Variants in C16orf46 observed in about 807,000 individuals in gnomAD.
C16orf46 encodes uncharacterized protein C16orf46.
C16orf46 carries 7 observed loss-of-function variants against 5.5 expected under a neutral mutation model. The observed-to-expected ratio is 1.28, with a 90% CI of 0.73 to 2.40. The LOEUF (loss-of-function observed/expected upper bound fraction) is 2.40, where lower values mean the gene tolerates loss of function less well. Ranked by LOEUF, C16orf46 falls within the 30% of genes most tolerant of loss-of-function variation. The probability of loss-of-function intolerance (pLI) is 0.00; values close to 1 mark genes in which losing one functional copy is unlikely to be tolerated. For synonymous variants in C16orf46, 200 were observed against 184.1 expected (o/e 1.09, Z -0.70); for missense variants, 614 against 476.0 (o/e 1.29, Z -2.70).
In C16orf46 at chr16:81,071,134, C is replaced by T. The variant is rs897079486; in HGVS notation, c.-127-4853G>A. Among the ~76,000 whole-genome samples the T allele has an allele frequency of 3.9e-5, 6 of 152,246 alleles. No individual in the cohort carries two copies. In the East Asian group the frequency reaches 5.8e-4, roughly 15 times the overall value. On this transcript the variant is annotated intron_variant, in intron 1 of 3. Coordinates refer to ENST00000299578, the MANE Select transcript of C16orf46 (RefSeq NM_152337.3). ...TGGTGAGTTATATTTGTTCTGACCT[C>T]GTGAGACTCTGTACAGCCCCACTAA...
chr16:81,058,416 G>C (rs915627575), downstream of C16orf46, among the ~76,000 whole-genome samples: 3 of 152,180 alleles, frequency 2.0e-5, no homozygotes, highest in Non-Finnish European at 4.4e-5. Flanking sequence ...TTCAGTACAA[G>C]AGTCATGCCT....
In C16orf46 at chr16:81,061,752, G is replaced by T. The variant is rs1178288288; in HGVS notation, c.597C>A (p.Ile199=). The part of the protein sequence containing the change: ...PSGGAHRGLS[I]PGPLTSRALL... The stretch of plus-strand genomic sequence containing the variant: ...GGGCCCTGGAAGTCAGGGGGCCTGG[G>T]ATGGACAGCCCTCTGTGGGCCCCTC... The change falls in exon 4 of 4, where the codon ATC becomes ATA. Residue 199 remains isoleucine, a synonymous_variant. Transcript: ENST00000299578. 1 of 1,613,822 alleles carries T rather than the reference G, an allele frequency of 6.2e-7. No homozygotes were observed. Among genetic ancestry groups the T allele is most frequent in the Admixed American group, 1.7e-5 (1 of 60,020 alleles).
intron 3 of C16orf46, among the ~76,000 whole-genome samples, chr16:81,063,247 A>G (rs1808428): frequency 3.1e-4 from 23 of 75,136 alleles, no homozygotes; most frequent in South Asian, 7.6e-4. Context: ...CATCTCAGGG[A>G]AAAAAAAAAA....
downstream of C16orf46, among the ~76,000 whole-genome samples, chr16:81,056,613 T>C (rs943669129): frequency 5.8e-4 from 87 of 148,916 alleles, no homozygotes; most frequent in African/African-American, 2.1e-3. Context: ...GGAGAATCAC[T>C]TGAATCCGGG....
At chr16:81,057,026 A>T (rs1971316991), downstream of C16orf46, among the ~76,000 whole-genome samples, 1 of 152,108 alleles carries the variant, frequency 6.6e-6, no homozygotes, top group African/African-American at 2.4e-5. Context: ...TTTCGTTGTC[A>T]TGACTGGGGA....
intron 1 of C16orf46, among the ~76,000 whole-genome samples, chr16:81,073,705 G>C (rs989607257): frequency 6.6e-6 from 1 of 152,172 alleles, no homozygotes; most frequent in African/African-American, 2.4e-5. Flanking sequence ...GAGATACAAA[G>C]CACAAGAGGA....
At chr16:81,056,160 T>C (rs1313751158), downstream of C16orf46, 1 of 152,200 alleles carries the variant, frequency 6.6e-6, no homozygotes, top group African/African-American at 2.4e-5. Context: ...TTGGCTGCCT[T>C]TTCATATTTA....
Position 81,061,581 on chromosome 16 carries a change from T to A in C16orf46, c.768A>T (p.Lys256Asn). 1 of 1,614,174 alleles carries A rather than the reference T, an allele frequency of 6.2e-7. No homozygotes were observed. Among genetic ancestry groups the A allele is most frequent in the Non-Finnish European group, 8.5e-7 (1 of 1,180,040 alleles). ...DGCVAYAYGL[K>N]TADGKGEKRA... The stretch of plus-strand genomic sequence containing the variant: ...TTTTTTCACCTTTCCCATCTGCTGT[T>A]TTCAAGCCATATGCATAAGCCACAC... The change falls in exon 4 of 4, where the codon AAA (lysine) becomes AAT (asparagine). Residue 256 changes from lysine to asparagine, a missense_variant. Physicochemically the swap from Lys to Asn is moderately conservative, Grantham distance 94 (BLOSUM62 0). Coordinates refer to ENST00000299578, the MANE Select transcript of C16orf46 (RefSeq NM_152337.3).
chr16:81,068,033 AT>A (rs1448177539), intron 1 of C16orf46, among the ~76,000 whole-genome samples: 2 of 152,224 alleles, frequency 1.3e-5, no homozygotes, highest in African/African-American at 4.8e-5. Flanking sequence ...CATTGAATTT[AT>A]TGAATGGCCA....
At chr16:81,063,468 G>A (rs549224132) in intron 3 of C16orf46, among the ~76,000 whole-genome samples, 4 of 152,056 alleles carry the variant, frequency 2.6e-5, no homozygotes, top group African/African-American at 7.2e-5. Context: ...ACAAAGCGAG[G>A]CTGGGAAGAA....
At chr16:81,075,735 CAT>C (rs1972015231) in intron 1 of C16orf46, among the ~76,000 whole-genome samples, 1 of 152,288 alleles carries the variant, frequency 6.6e-6, no homozygotes, top group East Asian at 1.9e-4. Context: ...GAGTGTGCCA[CAT>C]GTTTGCCAGT....
At chr16:81,064,424 C>A (rs804891) in intron 2 of C16orf46, among the ~76,000 whole-genome samples, 149,292 of 151,508 alleles carry the variant, frequency 0.99, 73,589 homozygotes, top group Middle Eastern at 1. Context: ...AAATATTACG[C>A]AACTATCCAC....
intron 2 of C16orf46, among the ~76,000 whole-genome samples, chr16:81,064,428 T>A (rs1195160245): frequency 6.6e-6 from 1 of 151,260 alleles, no homozygotes; most frequent in Non-Finnish European, 1.5e-5. Context: ...ATTACGCAAC[T>A]ATCCACTGCC....
intron 1 of C16orf46, among the ~76,000 whole-genome samples, chr16:81,070,987 T>G (rs1971831178): frequency 6.6e-6 from 1 of 152,148 alleles, no homozygotes; most frequent in African/African-American, 2.4e-5. Flanking sequence ...TCAAATAATT[T>G]TCATGTCTTG....
intron 3 of C16orf46, among the ~76,000 whole-genome samples, chr16:81,062,879 C>CTTTTTTTTTTTTTTTTTTTTTTTTTTTT (rs35694573): frequency 7.2e-6 from 1 of 138,368 alleles, no homozygotes; most frequent in Non-Finnish European, 1.5e-5. Context: ...TAGTTTTATG[C>CTTTTTTTTTTTTTTTTTTTTTTTTTTTT]TTTTTTTTTT....
downstream of C16orf46, chr16:81,057,892 C>G (rs1014514194): frequency 6.5e-6 from 1 of 153,190 alleles, no homozygotes; most frequent in South Asian, 2.0e-4. Flanking sequence ...TAGCTGGGCA[C>G]AGTGGCACAC....
intron 3 of C16orf46, 44 bp downstream of exon 3, chr16:81,063,702 G>A (rs1159004301): frequency 1.3e-6 from 2 of 1,516,536 alleles, no homozygotes; most frequent in Non-Finnish European, 1.8e-6. Flanking sequence ...CCAAAACACT[G>A]ATGTGCGAGA....
At chr16:81,068,565 ATTTTTTT>A (rs33943128) in intron 1 of C16orf46, among the ~76,000 whole-genome samples, 4 of 131,366 alleles carry the variant, frequency 3.0e-5, no homozygotes, top group Admixed American at 8.2e-5. Context: ...ATTTCTTTGT[ATTTTTTT>A]TTTTTTTTTT....
chr16:81,061,494 C>A lies in C16orf46; in HGVS notation c.855G>T (p.Ala285=). The A allele has an allele frequency of 6.2e-7, 1 of 1,614,068 alleles. No homozygotes were observed. Among genetic ancestry groups the A allele is most frequent in the Non-Finnish European group, 8.5e-7 (1 of 1,180,016 alleles). ...VNDTPSSPSP[A]AQISLLTDPE... ...GATCGGTCAGCAGGGATATCTGGGC[C>A]GCTGGGGAAGGGGAGGATGGCGTGT... Residue 285 remains alanine, a synonymous_variant, in exon 4 of 4, where the codon GCG becomes GCT. Coordinates refer to ENST00000299578, the MANE Select transcript of C16orf46 (RefSeq NM_152337.3).
Sources: allele counts gnomAD v4.1 joint callset (sites outside exome capture counted in the v4.1 genomes callset), GRCh38; gene constraint gnomAD v4.1.1; transcripts MANE v1.5; gene names NCBI Gene and HGNC (gene_info 2026-07-23, HGNC 2026-07-21).